AGBL2: variants seen among roughly 807,000 people sequenced by gnomAD.
The protein encoded by AGBL2 is cytosolic carboxypeptidase 2.
A neutral mutation model predicts 103.0 loss-of-function variants in AGBL2; 87 were observed. The observed-to-expected ratio is 0.84, with a 90% CI of 0.71 to 1.01. AGBL2 has a LOEUF of 1.01. AGBL2 is among the 50% of genes least tolerant of loss of function. The pLI is 0.00. For missense variants in AGBL2, 904 were observed against 1,023.5 expected, an observed-to-expected ratio of 0.88 and a Z score of 1.59; for synonymous variants, 335 against 356.7, an observed-to-expected ratio of 0.94 and a Z score of 0.69.
At chr11:47,694,708 A>C (rs1382466128) in intron 8 of AGBL2, among the ~76,000 whole-genome samples, 1 of 152,194 alleles carries the variant, frequency 6.6e-6, no homozygotes, top group Non-Finnish European at 1.5e-5. Context: ...GGTAAAAAAG[A>C]GTCACGACCA....
intron 17 of AGBL2, among the ~76,000 whole-genome samples, chr11:47,664,670 C>T (rs564606522): frequency 6.6e-6 from 1 of 152,222 alleles, no homozygotes; most frequent in East Asian, 1.9e-4. Context: ...CTCAGCCTCC[C>T]AAAGTGTTGG....
In AGBL2 at chr11:47,704,777, G is replaced by A. The variant is rs750019743; in HGVS notation, c.401-49C>T. On this transcript the variant is annotated intron_variant, in intron 6 of 18. Coordinates refer to ENST00000525123, the MANE Select transcript of AGBL2 (RefSeq NM_024783.4). ...TGAACATCTTCCTTTTCCTCCTTGGGAACTTTACTGCTCATCTATAACAAT... is the reference window on the plus strand; with the variant it reads ...TGAACATCTTCCTTTTCCTCCTTGGAAACTTTACTGCTCATCTATAACAAT... 3 of 1,451,800 alleles carry A rather than the reference G, an allele frequency of 2.1e-6. No homozygotes were observed. The African/African-American group carries it at 4.2e-5, about 20-fold the overall frequency. The allele number at this position is 1,451,800 out of a possible 1,614,324, so 89.9% of individuals were successfully genotyped here.
chr11:47,709,864 C>T (rs2097532084), intron 4 of AGBL2, among the ~76,000 whole-genome samples: 1 of 152,082 alleles, frequency 6.6e-6, no homozygotes, highest in Non-Finnish European at 1.5e-5. Flanking sequence ...GCTGGGATTA[C>T]AGGCGTGAGC....
At chr11:47,713,960 G>A (rs1436366665) in intron 3 of AGBL2, 6 of 234,310 alleles carry the variant, frequency 2.6e-5, no homozygotes, top group Non-Finnish European at 4.3e-5. Context: ...AACAAGGTGG[G>A]AAGACATGTC....
Position 47,714,346 on chromosome 11 carries a change from G to C in AGBL2, c.35C>G (p.Thr12Ser). Reference protein sequence around the residue: ...FPALETHLKQTIPDPYEDFMY... With the variant: ...FPALETHLKQSIPDPYEDFMY... ...AAAGTCTTCATAAGGATCAGGAATA[G>C]TCTGTGAAAGGAAAGGCCACTTCAA... Residue 12 changes from threonine (T) to serine (S), a missense_variant and splice_region_variant, in exon 3 of 19, where the codon ACT becomes AGT. Coordinates refer to ENST00000525123, the MANE Select transcript of AGBL2 (RefSeq NM_024783.4). 6.2e-7 allele frequency: 1 copy of C among 1,612,300 alleles called. No individual in the cohort carries two copies. Among genetic ancestry groups the C allele is most frequent in the Non-Finnish European group, 8.5e-7 (1 of 1,179,012 alleles).
intron 6 of AGBL2, 34 bp from the exon 7 acceptor site, chr11:47,704,762 C>T (rs1344143323): frequency 1.3e-6 from 2 of 1,575,914 alleles, no homozygotes; most frequent in East Asian, 2.2e-5. Flanking sequence ...TGAACATCTT[C>T]CTTTTCCTCC....
chr11:47,704,580 A>T lies in AGBL2; in HGVS notation c.549T>A (p.Ile183=), dbSNP rs747406293. 9 of 1,613,986 alleles carry T rather than the reference A, an allele frequency of 5.6e-6. No individual in the cohort carries two copies. Among genetic ancestry groups the T allele is most frequent in the Non-Finnish European group, 7.6e-6 (9 of 1,179,996 alleles). The part of the protein sequence containing the change: ...KRPLQAPRWP[I]ECEVIKENIH... The stretch of plus-strand genomic sequence containing the variant: ...TGTTTTCCTTGATGACCTCACATTC[A>T]ATTGGCCATCTTGGAGCCTGCAGTG... Residue 183 remains isoleucine, a synonymous_variant, in exon 7 of 19, where the codon ATT becomes ATA. Coordinates refer to ENST00000525123, the MANE Select transcript of AGBL2 (RefSeq NM_024783.4).
chr11:47,707,060 A>G (rs1465755287), intron 4 of AGBL2, among the ~76,000 whole-genome samples: 2 of 147,786 alleles, frequency 1.4e-5, no homozygotes, highest in Non-Finnish European at 3.0e-5. Context: ...TTAGCCAGGC[A>G]TGGTGGCACG....
At chr11:47,700,885 C>A (rs1449838093) in intron 7 of AGBL2, among the ~76,000 whole-genome samples, 2 of 151,424 alleles carry the variant, frequency 1.3e-5, no homozygotes, top group Non-Finnish European at 2.9e-5. Context: ...CACGGTGAAA[C>A]CCCGTCTCTA....
rs1288425004 is a variant in AGBL2, at chr11:47,685,956, ATTG to A, written c.1722_1724del (p.Asn575del). 4.3e-6 allele frequency: 7 copies of A among 1,614,030 alleles called. No individual in the cohort carries two copies. Among genetic ancestry groups the A allele is most frequent in the Non-Finnish European group, 5.9e-6 (7 of 1,179,974 alleles). On this transcript the variant is annotated inframe_deletion, in exon 11 of 19. Coordinates refer to ENST00000525123, the MANE Select transcript of AGBL2 (RefSeq NM_024783.4). ...CTCGTTCATGAAGCCAGTATTTGCG[ATTG>A]TTGTTATTACAGCCATACAGGAAGA...
chr11:47,686,842 C>G (rs1313285035), intron 10 of AGBL2, among the ~76,000 whole-genome samples: 1 of 151,222 alleles, frequency 6.6e-6, no homozygotes, highest in Non-Finnish European at 1.5e-5. Flanking sequence ...ACCTGTAATG[C>G]CAGCTACTTG....
intron 10 of AGBL2, among the ~76,000 whole-genome samples, chr11:47,687,272 G>A (rs2097427726): frequency 6.6e-6 from 1 of 151,692 alleles, no homozygotes; most frequent in African/African-American, 2.4e-5. Flanking sequence ...TTAAATCCAG[G>A]CCCATTAACA....
At chr11:47,683,427 A>C (rs989839762) in intron 11 of AGBL2, among the ~76,000 whole-genome samples, 1 of 152,096 alleles carries the variant, frequency 6.6e-6, no homozygotes, top group Non-Finnish European at 1.5e-5. Context: ...TTTTAAACAA[A>C]TAAGAGTAAC....
Position 47,660,221 on chromosome 11 carries a change from A to G in AGBL2, c.2661T>C (p.Cys887=). ...AGGATGGGTATGCCGCCATGGCAGC[A>G]CAGCCTCTCTTTGTGGCAGGATATC... is the stretch of plus-strand genomic sequence containing the variant. ...RSRYPATKRG[C]AAMAAYPSLH... Residue 887 remains cysteine, a synonymous_variant, in exon 19 of 19, where the codon TGT becomes TGC. Transcript: ENST00000525123. The G allele has an allele frequency of 6.2e-7, 1 of 1,614,202 alleles. No homozygotes were observed.
intron 3 of AGBL2, among the ~76,000 whole-genome samples, chr11:47,712,385 C>T (rs1252983109): frequency 5.3e-5 from 8 of 151,854 alleles, no homozygotes; most frequent in Admixed American, 5.3e-4. Context: ...TTCAATATAC[C>T]AGTAACAAAG....
intron 10 of AGBL2, among the ~76,000 whole-genome samples, 173 bp downstream of exon 10, chr11:47,689,903 A>T (rs2097438214): frequency 6.6e-6 from 1 of 152,120 alleles, no homozygotes; most frequent in Non-Finnish European, 1.5e-5. Context: ...ATGATTTAAA[A>T]GTCTGAAAAT....
chr11:47,704,082 A>T (rs1358804500), intron 7 of AGBL2, among the ~76,000 whole-genome samples: 3 of 151,910 alleles, frequency 2.0e-5, no homozygotes, highest in African/African-American at 7.3e-5. Flanking sequence ...AGCCTGAGTG[A>T]CAGAGTGAGA....
Position 47,705,876 on chromosome 11 carries a change from C to T in AGBL2, c.274G>A (p.Ala92Thr), listed in dbSNP as rs754958052. The T allele has an allele frequency of 6.2e-7, 1 of 1,613,810 alleles. No homozygotes were observed. Among genetic ancestry groups the T allele is most frequent in the Non-Finnish European group, 8.5e-7 (1 of 1,179,966 alleles). ...GGACATGAAATACCTCTGTTGATGG[C>T]TTCTATCTGTCTGTGCACAGCTGAA... Reference protein sequence around the residue: ...LSSAVHRQIEAINRDFHSCLG... With the variant: ...LSSAVHRQIETINRDFHSCLG... Residue 92 changes from alanine to threonine, a missense_variant, in exon 5 of 19, where the codon GCC (alanine) becomes ACC (threonine). Transcript: ENST00000525123.
At chr11:47,694,576 T>C (rs918929612) in intron 8 of AGBL2, among the ~76,000 whole-genome samples, 2 of 152,182 alleles carry the variant, frequency 1.3e-5, no homozygotes, top group African/African-American at 4.8e-5. Context: ...GAGCAGTGTA[T>C]GTCTTTAAAT....
Sources: gnomAD v4.1 joint callset for allele counts (sites outside exome capture counted in the v4.1 genomes callset) on GRCh38, gnomAD v4.1.1 for gene constraint, MANE v1.5 for transcripts, NCBI Gene and HGNC (gene_info 2026-07-23, HGNC 2026-07-21) for gene names.